Variants in OMA1 observed in about 807,000 individuals in gnomAD.
OMA1 encodes the protein OMA1 zinc metallopeptidase, also known as metalloendopeptidase OMA1, mitochondrial.
OMA1 carries 38 observed loss-of-function variants against 30.9 expected under a neutral mutation model. The ratio of observed to expected loss-of-function variants is 1.23; its 90% CI spans 0.95 to 1.61. The LOEUF (loss-of-function observed/expected upper bound fraction) is 1.61. Ranked by LOEUF, OMA1 falls within the 40% of genes most tolerant of loss-of-function variation. The probability of loss-of-function intolerance (pLI) is 0.00; values close to 1 mark genes in which losing one functional copy is unlikely to be tolerated. For synonymous variants in OMA1, 173 were observed against 121.9 expected, an observed-to-expected ratio of 1.42 and a Z score of -2.76; for missense variants, 461 against 349.2, an observed-to-expected ratio of 1.32 and a Z score of -2.55.
At chr1:58,523,700 C>T (rs545188564) in intron 7 of OMA1, among the ~76,000 whole-genome samples, 1 of 152,092 alleles carries the variant, frequency 6.6e-6, no homozygotes, top group African/African-American at 2.4e-5. Context: ...GAGATCGAGA[C>T]CATCCTGGCT....
chr1:58,498,224 A>C (rs1195614180), intron 8 of OMA1, among the ~76,000 whole-genome samples: 1 of 151,948 alleles, frequency 6.6e-6, no homozygotes, highest in African/African-American at 2.4e-5. Flanking sequence ...ATTTATAATA[A>C]TGGTAAAACT....
chr1:58,537,955 G>A (rs11808438), intron 2 of OMA1, among the ~76,000 whole-genome samples: 2 of 151,990 alleles, frequency 1.3e-5, no homozygotes, highest in Non-Finnish European at 1.5e-5. Flanking sequence ...AAGAGCATCC[G>A]AAGAACCTGG....
At position 58,539,421 on chromosome 1, in the gene OMA1, C is replaced by T. The variant is rs115087524; in HGVS notation, c.-16-111G>A. On this transcript the variant is annotated intron_variant, in intron 1 of 8. Transcript: ENST00000371226. ...AGTTGTTCTTCTAACACATCTCAGG[C>T]TAAATTACCTTGGGTTTCAACTCAT... 2.0e-3 allele frequency: 1,269 copies of T among 624,780 alleles called. 11 individuals carry two copies. The African/African-American group carries it at 0.021, about 10-fold the overall frequency. 38.7% of individuals were successfully genotyped at this position (624,780 alleles called of 1,614,324 possible). A position where few individuals can be genotyped will look rare whatever the true frequency, so the allele number is the denominator to read the frequency against.
chr1:58,499,362 A>G (rs768857539), intron 8 of OMA1, among the ~76,000 whole-genome samples: 2 of 150,936 alleles, frequency 1.3e-5, no homozygotes, highest in Non-Finnish European at 2.9e-5. Flanking sequence ...GTACATTCCT[A>G]TAGTCCTAGC....
At chr1:58,543,331 C>A (rs111324237) in intron 1 of OMA1, among the ~76,000 whole-genome samples, 3 of 152,302 alleles carry the variant, frequency 2.0e-5, no homozygotes, top group African/African-American at 7.2e-5. Flanking sequence ...CTACACTTTG[C>A]AAAGCCAAAT....
intron 7 of OMA1, among the ~76,000 whole-genome samples, chr1:58,510,852 T>G: frequency 6.6e-6 from 1 of 151,960 alleles, no homozygotes; most frequent in East Asian, 1.9e-4. Flanking sequence ...AACAGGAAAT[T>G]AAGAAACAAT....
chr1:58,499,479 T>TAGATAGATAGAC (rs1364388040), intron 8 of OMA1, among the ~76,000 whole-genome samples: 1 of 98,508 alleles, frequency 1.0e-5, no homozygotes, highest in African/African-American at 4.5e-5. Flanking sequence ...AGCCAGACTA[T>TAGATAGATAGAC]AGATAGATAG....
intron 7 of OMA1, among the ~76,000 whole-genome samples, chr1:58,509,088 C>T (rs1016683332): frequency 1.3e-5 from 2 of 151,944 alleles, no homozygotes; most frequent in Non-Finnish European, 2.9e-5. Flanking sequence ...TTCTCCTGTA[C>T]AAAGACAGTC....
rs935366316 is a variant in OMA1, at chr1:58,527,389, G to T, written c.1141-54C>A. 5.4e-5 allele frequency: 45 copies of T among 834,360 alleles called. No individual in the cohort carries two copies. The Admixed American group carries it at 7.6e-4, about 14-fold the overall frequency. The allele number at this position is 834,360 out of a possible 1,614,324, so 51.7% of individuals were successfully genotyped here. On this transcript the variant is annotated intron_variant, in intron 6 of 8. Coordinates refer to ENST00000371226, the MANE Select transcript of OMA1 (RefSeq NM_145243.5). ...TAAGACAATTTATTTCACGAAAAAAGGAGTAACACAGAGAGATTTTTAAAA... is the reference window on the plus strand; with the variant it reads ...TAAGACAATTTATTTCACGAAAAAATGAGTAACACAGAGAGATTTTTAAAA...
intron 8 of OMA1, among the ~76,000 whole-genome samples, chr1:58,493,196 G>C (rs933381767): frequency 6.6e-6 from 1 of 151,796 alleles, no homozygotes; most frequent in African/African-American, 2.4e-5. Context: ...TGCAGAAAAG[G>C]CCTTTGACAA....
chr1:58,509,759 A>G (rs193159584), intron 7 of OMA1, among the ~76,000 whole-genome samples: 60 of 151,074 alleles, frequency 4.0e-4, no homozygotes, highest in Non-Finnish European at 7.2e-4. Flanking sequence ...TTAGAGTAAG[A>G]AAAAAAAAGA....
At chr1:58,504,749 T>C (rs1424401017) in intron 8 of OMA1, among the ~76,000 whole-genome samples, 1 of 152,214 alleles carries the variant, frequency 6.6e-6, no homozygotes, top group Non-Finnish European at 1.5e-5. Context: ...AGCAGATTCA[T>C]CTTCCTTCAA....
chr1:58,493,013 C>T (rs1645727097), intron 8 of OMA1, among the ~76,000 whole-genome samples: 1 of 152,050 alleles, frequency 6.6e-6, no homozygotes, highest in African/African-American at 2.4e-5. Flanking sequence ...TGCAAAAATC[C>T]TCAATAAAAT....
intron 7 of OMA1, among the ~76,000 whole-genome samples, chr1:58,519,354 C>A (rs146865265): frequency 2.8e-4 from 43 of 152,220 alleles, no homozygotes; most frequent in African/African-American, 9.6e-4. Context: ...CATCCAACAG[C>A]CAGTTTTTAC....
At chr1:58,542,078 T>G (rs890662436) in intron 1 of OMA1, among the ~76,000 whole-genome samples, 2 of 152,238 alleles carry the variant, frequency 1.3e-5, no homozygotes, top group Admixed American at 1.3e-4. Context: ...AATTTATTTT[T>G]TATGTAATTC....
chr1:58,506,123 T>A lies in OMA1; in HGVS notation c.1302A>T (p.Glu434Asp). Reference sequence around the variant, plus strand: ...CATGAGAAGGGTGTGTAGATAACCATTCTGGCATCTTGGGTTGGCCATGCA... The same window carrying A: ...CATGAGAAGGGTGTGTAGATAACCAATCTGGCATCTTGGGTTGGCCATGCA... The part of the protein sequence containing the change: ...DSLHGQPKMP[E>D]WLSTHPSHGN... The change falls in exon 8 of 9, where the codon GAA becomes GAT. Residue 434 changes from glutamate (E) to aspartate (D), a missense_variant. Coordinates refer to ENST00000371226, the MANE Select transcript of OMA1 (RefSeq NM_145243.5). 1 of 872,364 alleles carries A rather than the reference T, an allele frequency of 1.1e-6. No individual in the cohort carries two copies. Among genetic ancestry groups the A allele is most frequent in the Non-Finnish European group, 2.0e-6 (1 of 501,222 alleles). The allele number at this position is 872,364 out of a possible 1,614,324, so 54.0% of individuals were successfully genotyped here. A position where few individuals can be genotyped will look rare whatever the true frequency, so the allele number is the denominator to read the frequency against.
At chr1:58,505,943 T>C (rs766655267) in intron 8 of OMA1, 117 bp downstream of exon 8, 35 of 588,126 alleles carry the variant, frequency 6.0e-5, no homozygotes, top group Non-Finnish European at 8.3e-5. Flanking sequence ...TCCATAATTA[T>C]AGTAATCAAA....
chr1:58,489,655 C>T (rs920704617), intron 8 of OMA1, among the ~76,000 whole-genome samples: 1 of 152,178 alleles, frequency 6.6e-6, no homozygotes, highest in African/African-American at 2.4e-5. Context: ...TCAAGTGGGT[C>T]CCTGACCCCT....
intron 7 of OMA1, among the ~76,000 whole-genome samples, chr1:58,514,075 AC>A (rs1646123198): frequency 6.6e-6 from 1 of 152,190 alleles, no homozygotes; most frequent in South Asian, 2.1e-4. Context: ...CATAGTGGAC[AC>A]TATTTCTACC....
Sources: allele counts gnomAD v4.1 joint callset (sites outside exome capture counted in the v4.1 genomes callset), GRCh38; gene constraint gnomAD v4.1.1; transcripts MANE v1.5; gene names NCBI Gene and HGNC (gene_info 2026-07-23, HGNC 2026-07-21).